PECAM1: variants seen among roughly 807,000 people sequenced by gnomAD.
PECAM1 encodes the protein platelet endothelial cell adhesion molecule.
In PECAM1, 8 loss-of-function variants were observed where a neutral mutation model predicts 13.8. The ratio of observed to expected loss-of-function variants is 0.58; its 90% confidence interval spans 0.34 to 1.05. The LOEUF (loss-of-function observed/expected upper bound fraction) is 1.05. Ranked by LOEUF, PECAM1 falls within the 50% of genes least tolerant of loss-of-function variation. The pLI, the probability that PECAM1 is intolerant of heterozygous loss-of-function variation, is 0.03. For synonymous variants in PECAM1, 136 were observed against 52.6 expected (o/e 2.58, Z -6.86); for missense variants, 304 against 141.2 (o/e 2.15, Z -5.84).
At chr17:64,324,972 T>G (rs1006754945) in intron 15 of PECAM1, among the ~76,000 whole-genome samples, 6 of 152,232 alleles carry the variant, frequency 3.9e-5, no homozygotes, top group Admixed American at 6.5e-5. Flanking sequence ...TCTAATAAAC[T>G]TGCTTTCACT....
chr17:64,383,930 G>A (rs933281790), intron 2 of PECAM1, among the ~76,000 whole-genome samples: 2 of 152,088 alleles, frequency 1.3e-5, no homozygotes, highest in Non-Finnish European at 2.9e-5. Flanking sequence ...TCAAGAGTTC[G>A]AGACCCGCTG....
At chr17:64,364,514 A>T (rs2036056978) in intron 5 of PECAM1, among the ~76,000 whole-genome samples, 1 of 152,124 alleles carries the variant, frequency 6.6e-6, no homozygotes, top group African/African-American at 2.4e-5. Flanking sequence ...CAGAGATACA[A>T]CCAAAAAAGA....
chr17:64,379,894 A>T, intron 2 of PECAM1, among the ~76,000 whole-genome samples: 1 of 151,840 alleles, frequency 6.6e-6, no homozygotes, highest in Middle Eastern at 3.4e-3. Flanking sequence ...GCATGATGGC[A>T]TGTGTCTGTA....
At chr17:64,346,634 C>T (rs1215173643) in intron 13 of PECAM1, among the ~76,000 whole-genome samples, 1 of 152,164 alleles carries the variant, frequency 6.6e-6, no homozygotes, top group Non-Finnish European at 1.5e-5. Context: ...CCGTGCCTGG[C>T]CAGGAGATGC....
chr17:64,340,036 A>C (rs1000165663), intron 14 of PECAM1, among the ~76,000 whole-genome samples: 1 of 152,126 alleles, frequency 6.6e-6, no homozygotes, highest in Non-Finnish European at 1.5e-5. Flanking sequence ...CTGTGGTTCT[A>C]GCTACTTGGG....
At chr17:64,387,761 T>C (rs12452560) in intron 2 of PECAM1, among the ~76,000 whole-genome samples, 70,136 of 151,810 alleles carry the variant, frequency 0.46, 16,342 homozygotes, top group East Asian at 0.56. Flanking sequence ...TAGGTGAAGA[T>C]GGAGCAGCCG....
intron 8 of PECAM1, 138 bp downstream of exon 8, chr17:64,355,973 G>A: frequency 2.3e-6 from 1 of 438,140 alleles, no homozygotes; most frequent in Non-Finnish European, 4.1e-6. Context: ...TTGCAACCAA[G>A]AGCCTGGAGG....
intron 2 of PECAM1, among the ~76,000 whole-genome samples, chr17:64,388,856 C>T (rs929348867): frequency 1.3e-4 from 20 of 152,106 alleles, no homozygotes; most frequent in East Asian, 5.8e-4. Context: ...TTAGTAGAGA[C>T]GGGGTTTCAC....
chr17:64,332,930 A>ATC (rs1555647062), intron 14 of PECAM1, among the ~76,000 whole-genome samples: 1 of 151,992 alleles, frequency 6.6e-6, no homozygotes, highest in Non-Finnish European at 1.5e-5. Flanking sequence ...AGGCCGGTGG[A>ATC]TCACTTGTGG....
At chr17:64,331,848 G>T (rs1311415781) in intron 14 of PECAM1, among the ~76,000 whole-genome samples, 1 of 152,376 alleles carries the variant, frequency 6.6e-6, no homozygotes, top group Non-Finnish European at 1.5e-5. Flanking sequence ...AAGAGGAGAT[G>T]TGGGCATTGG....
chr17:64,349,685 G>C (rs1046758792), intron 12 of PECAM1, among the ~76,000 whole-genome samples: 13 of 151,480 alleles, frequency 8.6e-5, no homozygotes, highest in Non-Finnish European at 1.6e-4. Flanking sequence ...AGGAGTTTGA[G>C]ACCAGCCTGG....
At chr17:64,374,560 G>A (rs1302737709) in intron 4 of PECAM1, among the ~76,000 whole-genome samples, 8 of 152,048 alleles carry the variant, frequency 5.3e-5, no homozygotes, top group Admixed American at 5.2e-4. Context: ...AAGGCGGGTG[G>A]ATCGCCTGAC....
chr17:64,389,672 C>A (rs1444182051), intron 2 of PECAM1, among the ~76,000 whole-genome samples: 2 of 151,966 alleles, frequency 1.3e-5, no homozygotes, highest in Non-Finnish European at 2.9e-5. Context: ...TATGGTAAAA[C>A]AACAAAAAAC....
At chr17:64,330,818 T>A (rs2035094121) in intron 14 of PECAM1, among the ~76,000 whole-genome samples, 2 of 152,078 alleles carry the variant, frequency 1.3e-5, no homozygotes, top group Admixed American at 1.3e-4. Context: ...CAGTTATAAT[T>A]ATACAGTATA....
At chr17:64,384,942 G>A (rs2036561558) in intron 2 of PECAM1, among the ~76,000 whole-genome samples, 1 of 152,208 alleles carries the variant, frequency 6.6e-6, no homozygotes, top group East Asian at 1.9e-4. Flanking sequence ...GCCAAGCACA[G>A]CCAAACTGAA....
intron 3 of PECAM1, among the ~76,000 whole-genome samples, chr17:64,377,265 T>A (rs1568036661): frequency 6.6e-6 from 1 of 152,166 alleles, no homozygotes; most frequent in Non-Finnish European, 1.5e-5. Flanking sequence ...CTGTACTGAC[T>A]GGCACCCTGG....
chr17:64,368,045 T>C (rs2036152202), intron 5 of PECAM1, among the ~76,000 whole-genome samples: 1 of 152,110 alleles, frequency 6.6e-6, no homozygotes, highest in Non-Finnish European at 1.5e-5. Context: ...AGTAAATAAC[T>C]GAACAAATGA....
At position 64,390,489 on chromosome 17, in the gene PECAM1, A is replaced by G; in HGVS notation, c.91T>C (p.Ser31Pro). 2 of 474,008 alleles carry G rather than the reference A, an allele frequency of 4.2e-6. No homozygotes were observed. The highest frequency in any genetic ancestry group is 6.0e-4 in the Middle Eastern group (1 of 1,660). The allele number at this position is 474,008 out of a possible 1,614,324, so 29.4% of individuals were successfully genotyped here. ...GTTACAGTGGAAACATCAGACTTAC[A>G]GTTTTCTTGACCCTCAAGGCTTGAA... ...LCSSLEGQEN[S>P]FTINSVDMKS... The change falls in exon 2 of 16, where the codon TCT (serine) becomes CCT (proline). Residue 31 changes from serine to proline, a missense_variant and splice_region_variant. Ser to Pro is a moderately conservative substitution (Grantham distance 74, BLOSUM62 -1). Transcript: ENST00000563924.
At position 64,333,686 on chromosome 17, in the gene PECAM1, G is replaced by A. The variant is rs28495175; in HGVS notation, c.2165-3964C>T. 5.4e-3 allele frequency among the ~76,000 whole-genome samples: 826 copies of A among 151,702 alleles called. 4 individuals are homozygous for A. Among genetic ancestry groups the A allele is most frequent in the African/African-American group, 0.018 (745 of 41,396 alleles). ...AAAATTGTAAAAAGTAAAAAAAAAA[G>A]TGGGCTGGGCATTGTAATCCCAGCA... On this transcript the variant is annotated intron_variant, in intron 14 of 15. Transcript: ENST00000563924.
Sources: gnomAD v4.1 joint callset for allele counts (sites outside exome capture counted in the v4.1 genomes callset) on GRCh38, gnomAD v4.1.1 for gene constraint, MANE v1.5 for transcripts, NCBI Gene and HGNC (gene_info 2026-07-23, HGNC 2026-07-21) for gene names.